CFAP92: variants seen among roughly 807,000 people sequenced by gnomAD.
CFAP92 encodes the protein cilia and flagella associated protein 92 (putative).
CFAP92 carries 86 observed loss-of-function variants against 106.3 expected under a neutral mutation model. The observed-to-expected ratio is 0.81, with a 90% CI of 0.68 to 0.97. The LOEUF (loss-of-function observed/expected upper bound fraction) is 0.97. CFAP92 is among the 50% of genes least tolerant of loss of function. The probability of loss-of-function intolerance (pLI) is 0.00; values close to 1 mark genes in which losing one functional copy is unlikely to be tolerated. For synonymous variants in CFAP92, 477 were observed against 506.4 expected, an observed-to-expected ratio of 0.94 and a Z score of 0.78; for missense variants, 1,204 against 1,283.8, an observed-to-expected ratio of 0.94 and a Z score of 0.95.
At chr3:129,003,526 G>A (rs1199661037), upstream of CFAP92, among the ~76,000 whole-genome samples, 4 of 151,784 alleles carry the variant, frequency 2.6e-5, no homozygotes, top group Non-Finnish European at 5.9e-5. Flanking sequence ...GAATACAGGC[G>A]TCGTGTCTCA....
chr3:129,000,587 G>A (rs1077332), intron 1 of CFAP92, among the ~76,000 whole-genome samples: 2,998 of 152,224 alleles, frequency 0.02, 105 homozygotes, highest in African/African-American at 0.067. Flanking sequence ...CAATATCACT[G>A]CACCCCTCTC....
At chr3:128,943,320 A>G (rs1939847774) in intron 10 of CFAP92, among the ~76,000 whole-genome samples, 1 of 152,058 alleles carries the variant, frequency 6.6e-6, no homozygotes, top group Admixed American at 6.6e-5. Context: ...CCACATCCCT[A>G]AAGGCAACTC....
chr3:128,923,919 C>T (rs1937507275), intron 12 of CFAP92, among the ~76,000 whole-genome samples: 1 of 152,196 alleles, frequency 6.6e-6, no homozygotes, highest in South Asian at 2.1e-4. Context: ...ACAAGACAGC[C>T]AATGGGTTGT....
intron 15 of CFAP92, among the ~76,000 whole-genome samples, chr3:128,914,307 G>C (rs1003473984): frequency 6.6e-6 from 1 of 152,314 alleles, no homozygotes; most frequent in Non-Finnish European, 1.5e-5. Flanking sequence ...TGCCCACAGA[G>C]AGCAGGTCTC....
chr3:128,994,682 T>C (rs1944413341), upstream of CFAP92, among the ~76,000 whole-genome samples: 1 of 152,156 alleles, frequency 6.6e-6, no homozygotes, highest in Non-Finnish European at 1.5e-5. Flanking sequence ...CAGCACTGTG[T>C]TGAAATCCGG....
At chr3:129,011,477 G>GAA in the CFAP92 span, among the ~76,000 whole-genome samples, 4 of 151,730 alleles carry the variant, frequency 2.6e-5, no homozygotes, top group African/African-American at 9.7e-5. Context: ...CTTGAACCCA[G>GAA]AAGGTGGAGG....
At chr3:128,946,660 A>G (rs1013255805) in intron 9 of CFAP92, among the ~76,000 whole-genome samples, 1 of 152,216 alleles carries the variant, frequency 6.6e-6, no homozygotes, top group African/African-American at 2.4e-5. Flanking sequence ...ATTCTAAAAT[A>G]ATCCCGGATT....
intron 12 of CFAP92, among the ~76,000 whole-genome samples, chr3:128,920,405 A>C (rs1937170691): frequency 6.6e-6 from 1 of 152,222 alleles, no homozygotes; most frequent in Non-Finnish European, 1.5e-5. Context: ...CTCCATCTCA[A>C]GAAAAAAAAA....
At chr3:128,937,067 G>A (rs1003007593) in intron 10 of CFAP92, among the ~76,000 whole-genome samples, 2 of 151,962 alleles carry the variant, frequency 1.3e-5, no homozygotes, top group African/African-American at 2.4e-5. Flanking sequence ...TTGGGAGGTC[G>A]AGGTGGGCAG....
intron 9 of CFAP92, among the ~76,000 whole-genome samples, chr3:128,952,125 T>C (rs944320532): frequency 7.1e-6 from 1 of 141,636 alleles, no homozygotes; most frequent in East Asian, 1.9e-4. Flanking sequence ...CTTTCTTTTC[T>C]TCTTCTTCTT....
intron 12 of CFAP92, among the ~76,000 whole-genome samples, chr3:128,922,198 C>T (rs1057311690): frequency 4.6e-5 from 7 of 151,944 alleles, no homozygotes; most frequent in African/African-American, 1.2e-4. Context: ...AAAAAATTAG[C>T]TGGGCATGGT....
intron 1 of CFAP92, among the ~76,000 whole-genome samples, chr3:129,000,340 T>C (rs1055628009): frequency 2.0e-5 from 3 of 152,246 alleles, no homozygotes; most frequent in African/African-American, 7.2e-5. Flanking sequence ...CAAGAACAAG[T>C]ACGAATTTGC....
intron 15 of CFAP92, 169 bp downstream of exon 15, chr3:128,914,950 A>G: frequency 1.5e-6 from 1 of 657,298 alleles, no homozygotes; most frequent in Non-Finnish European, 2.5e-6. Context: ...GTTCCAGCCC[A>G]GCATTCAATC....
chr3:128,965,658 A>C lies in CFAP92; in HGVS notation c.1206T>G (p.Ser402=), dbSNP rs1038230132. Residue 402 remains serine (S), a synonymous_variant, in exon 9 of 16, where the codon TCT becomes TCG. Coordinates refer to ENST00000645291, the MANE Select transcript of CFAP92 (RefSeq NM_001394090.1). ...QTVVSRGSEK[S]ANILDCLLTL... Reference sequence around the variant, plus strand: ...TCAAAAGGCAATCTAAAATGTTGGCAGACTTCTCACTGCCACGACTCACGA... The same window carrying C: ...TCAAAAGGCAATCTAAAATGTTGGCCGACTTCTCACTGCCACGACTCACGA... 1.3e-5 allele frequency: 5 copies of C among 399,018 alleles called. No individual in the cohort carries two copies. Among genetic ancestry groups the C allele is most frequent in the East Asian group, 3.6e-5 (1 of 28,082 alleles). The allele number at this position is 399,018 out of a possible 1,614,324, so 24.7% of individuals were successfully genotyped here.
At chr3:128,925,386 C>T (rs747113254) in intron 12 of CFAP92, among the ~76,000 whole-genome samples, 3 of 152,218 alleles carry the variant, frequency 2.0e-5, no homozygotes, top group Non-Finnish European at 2.9e-5. Flanking sequence ...TGCCCACTCT[C>T]ACCTCCTGTT....
At chr3:128,992,467 C>A (rs920172681) in intron 2 of CFAP92, among the ~76,000 whole-genome samples, 2 of 152,030 alleles carry the variant, frequency 1.3e-5, no homozygotes, top group Admixed American at 6.5e-5. Context: ...GAGGCTGAGG[C>A]ACGAGAATTG....
At position 128,934,763 on chromosome 3, in the gene CFAP92, T is replaced by C. The variant is rs1284990827; in HGVS notation, c.2453+362A>G. Among the ~76,000 whole-genome samples, 3 of 152,262 alleles carry C rather than the reference T, an allele frequency of 2.0e-5. No individual in the cohort carries two copies. In the East Asian group the frequency reaches 5.8e-4, roughly 29 times the overall value. ...CTAGGCTGGTCTCAAACTCCGGGGCTCAAGCCATCCTCCCACCTCAGCCTC... is the reference window on the plus strand; with the variant it reads ...CTAGGCTGGTCTCAAACTCCGGGGCCCAAGCCATCCTCCCACCTCAGCCTC... On this transcript the variant is annotated intron_variant, in intron 11 of 15. Coordinates refer to ENST00000645291, the MANE Select transcript of CFAP92 (RefSeq NM_001394090.1).
intron 5 of CFAP92, 27 bp from the exon 6 acceptor site, chr3:128,977,093 G>C (rs748737645): frequency 6.3e-7 from 1 of 1,592,340 alleles, no homozygotes; most frequent in African/African-American, 1.3e-5. Context: ...ATATTTCCAA[G>C]CTTTTTGTTA....
chr3:129,011,661 C>CAGAGG, the CFAP92 span, among the ~76,000 whole-genome samples: 3 of 152,064 alleles, frequency 2.0e-5, no homozygotes, highest in Admixed American at 2.0e-4. Context: ...AGCAAGGAGG[C>CAGAGG]AGAGGAGGAG....
Sources: allele counts gnomAD v4.1 joint callset (sites outside exome capture counted in the v4.1 genomes callset), GRCh38; gene constraint gnomAD v4.1.1; transcripts MANE v1.5; gene names NCBI Gene and HGNC (gene_info 2026-07-23, HGNC 2026-07-21).